Variants in UNC79 observed in about 807,000 individuals in gnomAD.
The protein encoded by UNC79 is protein unc-79 homolog.
A neutral mutation model predicts 283.1 loss-of-function variants in UNC79; 37 were observed. That is an observed-to-expected ratio of 0.13 (90% CI 0.10 to 0.17). The LOEUF (loss-of-function observed/expected upper bound fraction) is 0.17. UNC79 is among the 10% of genes least tolerant of loss of function. The pLI, the probability that UNC79 is intolerant of heterozygous loss-of-function variation, is 1.00. For missense variants in UNC79, 2,272 were observed against 3,211.1 expected (o/e 0.71, Z 7.07); for synonymous variants, 1,107 against 1,200.2 (o/e 0.92, Z 1.61).
In UNC79 at chr14:93,586,613, G is replaced by A. The variant is rs780979845; in HGVS notation, c.2821G>A (p.Glu941Lys). ...CTTCACAGCAGTAAAGAATGATACC[G>A]AAAGAAAATTTTGCTACCAACAGCT... Residue 941 changes from glutamate to lysine, a missense_variant, in exon 21 of 49, where the codon GAA becomes AAA. By Grantham distance (56) the Glu-to-Lys change is moderately conservative. This residue lies in a region of UNC79 where 237 missense variants were observed against 378.9 expected (regional missense o/e 0.63). Transcript: ENST00000555664. 54 of 1,613,604 alleles carry A rather than the reference G, an allele frequency of 3.3e-5. No individual in the cohort carries two copies. The highest frequency in any genetic ancestry group is 4.2e-5 in the Non-Finnish European group (49 of 1,179,852).
chr14:93,641,492 A>G (rs1332883845), intron 33 of UNC79, among the ~76,000 whole-genome samples: 1 of 152,000 alleles, frequency 6.6e-6, no homozygotes, highest in Non-Finnish European at 1.5e-5. Context: ...GTTTCTACTA[A>G]AATTACTAAA....
intron 1 of UNC79, among the ~76,000 whole-genome samples, chr14:93,336,323 C>T (rs1467371402): frequency 1.3e-5 from 2 of 152,096 alleles, no homozygotes; most frequent in Non-Finnish European, 2.9e-5. Context: ...TTAAGAAGTG[C>T]TTAATAATTA....
At chr14:93,581,006 G>A (rs1036140914) in intron 19 of UNC79, among the ~76,000 whole-genome samples, 1 of 152,040 alleles carries the variant, frequency 6.6e-6, no homozygotes, top group East Asian at 1.9e-4. Context: ...ACCATGCCTG[G>A]CCAAATGTAT....
chr14:93,406,419 T>TA (rs1180996024), intron 1 of UNC79, among the ~76,000 whole-genome samples: 1 of 151,308 alleles, frequency 6.6e-6, no homozygotes, highest in African/African-American at 2.4e-5. Flanking sequence ...CCCATATCTT[T>TA]AAAAAAAAGA....
intron 14 of UNC79, among the ~76,000 whole-genome samples, chr14:93,568,619 C>T (rs1208190073): frequency 6.6e-6 from 1 of 151,762 alleles, no homozygotes; most frequent in Non-Finnish European, 1.5e-5. Flanking sequence ...TGCAGTGAGC[C>T]CAGATCACAC....
chr14:93,630,245 A>G (rs1392073548), intron 30 of UNC79, among the ~76,000 whole-genome samples: 1 of 152,238 alleles, frequency 6.6e-6, no homozygotes, highest in Non-Finnish European at 1.5e-5. Context: ...CAATTAGATT[A>G]TAGTGTGGTA....
At chr14:93,362,778 A>G (rs1187112741) in intron 1 of UNC79, among the ~76,000 whole-genome samples, 1 of 152,056 alleles carries the variant, frequency 6.6e-6, no homozygotes, top group Non-Finnish European at 1.5e-5. Flanking sequence ...TGTTCACAGA[A>G]GTGTTTGTAA....
At chr14:93,357,404 G>A (rs7144429) in intron 1 of UNC79, among the ~76,000 whole-genome samples, 4 of 151,942 alleles carry the variant, frequency 2.6e-5, no homozygotes, top group Admixed American at 6.6e-5. Flanking sequence ...AGTGGGCTGC[G>A]AAAGGCAAAC....
chr14:93,620,940 G>A (rs2067086696), intron 29 of UNC79: 1 of 518,670 alleles, frequency 1.9e-6, no homozygotes, highest in African/African-American at 1.9e-5. Flanking sequence ...ACACCTACTG[G>A]ACCCTGCAAT....
intron 1 of UNC79, among the ~76,000 whole-genome samples, chr14:93,413,946 G>A (rs1419338501): frequency 6.7e-6 from 1 of 149,978 alleles, no homozygotes; most frequent in Non-Finnish European, 1.5e-5. Flanking sequence ...CAGATGAGTA[G>A]GTTGTGAAAA....
At chr14:93,661,411 T>G (rs2140446944) in intron 39 of UNC79, among the ~76,000 whole-genome samples, 1 of 152,316 alleles carries the variant, frequency 6.6e-6, no homozygotes, top group South Asian at 2.1e-4. Flanking sequence ...CTACATATCT[T>G]GAGTTTGACA....
At chr14:93,484,210 T>C (rs12586815) in intron 4 of UNC79, among the ~76,000 whole-genome samples, 9,915 of 152,272 alleles carry the variant, frequency 0.065, 594 homozygotes, top group East Asian at 0.33. Flanking sequence ...GACTTTTTAA[T>C]GATGACTTGT....
At chr14:93,520,536 C>T (rs2060273847) in intron 7 of UNC79, among the ~76,000 whole-genome samples, 1 of 151,832 alleles carries the variant, frequency 6.6e-6, no homozygotes, top group Non-Finnish European at 1.5e-5. Context: ...TTGGAGCAAT[C>T]ATAAAAATTT....
intron 8 of UNC79, among the ~76,000 whole-genome samples, chr14:93,524,255 C>T (rs2140991897): frequency 6.6e-6 from 1 of 152,306 alleles, no homozygotes; most frequent in South Asian, 2.1e-4. Context: ...GCGTTCGTAG[C>T]CAAGTGCTAT....
chr14:93,504,611 T>C (rs1277417644), intron 7 of UNC79, among the ~76,000 whole-genome samples: 1 of 152,022 alleles, frequency 6.6e-6, no homozygotes, highest in East Asian at 1.9e-4. Flanking sequence ...TAGAATATTA[T>C]TGTCAATTAT....
chr14:93,454,444 T>TGTGTATGCAGC (rs111318017), intron 1 of UNC79, among the ~76,000 whole-genome samples: 1 of 151,682 alleles, frequency 6.6e-6, no homozygotes, highest in Non-Finnish European at 1.5e-5. Flanking sequence ...TGTATGTGTA[T>TGTGTATGCAGC]ACATAATTAG....
In UNC79 at chr14:93,347,190, C is replaced by A; in HGVS notation, c.-351+13667C>A. 6 of 1,481,032 alleles carry A rather than the reference C, an allele frequency of 4.1e-6. No individual in the cohort carries two copies. In the South Asian group the frequency reaches 5.3e-5, roughly 13 times the overall value. 91.7% of individuals were successfully genotyped at this position (1,481,032 alleles called of 1,614,324 possible). ...GGGCGCCTGCGCAAACCAGCTGCCTCACGAGCACTGGAGCTTGCGTTACTT... is the reference window on the plus strand; with the variant it reads ...GGGCGCCTGCGCAAACCAGCTGCCTAACGAGCACTGGAGCTTGCGTTACTT... On this transcript the variant is annotated intron_variant, in intron 1 of 49. Transcript: ENST00000256339.
chr14:93,424,041 A>G (rs1274170773), intron 1 of UNC79, among the ~76,000 whole-genome samples: 4 of 152,240 alleles, frequency 2.6e-5, no homozygotes, highest in African/African-American at 4.8e-5. Flanking sequence ...ATCCAATTCA[A>G]AAGTGGGCAA....
At chr14:93,564,219 A>G (rs2141478548) in intron 14 of UNC79, among the ~76,000 whole-genome samples, 1 of 152,224 alleles carries the variant, frequency 6.6e-6, no homozygotes. Flanking sequence ...CGGAAAGAGG[A>G]GTGGGGAAAG....
Sources: gnomAD v4.1 joint callset for allele counts (sites outside exome capture counted in the v4.1 genomes callset) on GRCh38, gnomAD v4.1.1 for gene constraint, gnomAD v4.1.1 regional missense constraint, MANE v1.5 for transcripts, NCBI Gene and HGNC (gene_info 2026-07-23, HGNC 2026-07-21) for gene names.